The following LINGO2 variants were observed in gnomAD, a reference collection of about 807,000 sequenced individuals.
The protein encoded by LINGO2 is leucine rich repeat and Ig domain containing 2, also known as leucine-rich repeat and immunoglobulin-like domain-containing nogo receptor-interacting protein 2.
LINGO2 carries 14 observed loss-of-function variants against 30.6 expected under a neutral mutation model. The observed-to-expected ratio is 0.46, with a 90% CI of 0.30 to 0.72. The LOEUF is 0.72. Ranked by LOEUF, LINGO2 falls within the 30% of genes least tolerant of loss-of-function variation. The pLI is 0.07. For synonymous variants in LINGO2, 317 were observed against 288.5 expected (o/e 1.10, Z -1.00); for missense variants, 729 against 751.7 (o/e 0.97, Z 0.35).
chr9:28,346,730 T>C (rs1229303158), intron 3 of LINGO2, among the ~76,000 whole-genome samples: 1 of 152,136 alleles, frequency 6.6e-6, no homozygotes, highest in Non-Finnish European at 1.5e-5. Context: ...CCATTCTGAC[T>C]GGTGTGGGAT....
At chr9:28,685,581 T>C in the LINGO2 span, among the ~76,000 whole-genome samples, 1 of 152,206 alleles carries the variant, frequency 6.6e-6, no homozygotes, top group Admixed American at 6.5e-5. Context: ...TATGATGTCA[T>C]GTCTCTCTCA....
chr9:28,380,957 C>G (rs75405570), intron 2 of LINGO2, among the ~76,000 whole-genome samples: 1 of 151,994 alleles, frequency 6.6e-6, no homozygotes. Context: ...CGGGCTTGCC[C>G]TTGAGTATGT....
chr9:28,704,003 G>T, the LINGO2 span, among the ~76,000 whole-genome samples: 1 of 151,660 alleles, frequency 6.6e-6, no homozygotes, highest in Non-Finnish European at 1.5e-5. Context: ...ATTTTATTTG[G>T]CCTTCATTTG....
chr9:28,543,604 G>T (rs945181274), intron 1 of LINGO2, among the ~76,000 whole-genome samples: 1 of 151,994 alleles, frequency 6.6e-6, no homozygotes, highest in Admixed American at 6.6e-5. Flanking sequence ...ACAAAAAAAG[G>T]TATATGAATG....
At chr9:28,110,534 T>TTGCAGTTTG (rs1826744621) in intron 4 of LINGO2, among the ~76,000 whole-genome samples, 1 of 152,044 alleles carries the variant, frequency 6.6e-6, no homozygotes, top group African/African-American at 2.4e-5. Context: ...ACAAAGAACC[T>TTGCAGTTTG]AAACAAATTT....
chr9:28,427,708 CTG>C (rs1218036415), intron 2 of LINGO2, among the ~76,000 whole-genome samples: 1 of 152,116 alleles, frequency 6.6e-6, no homozygotes, highest in Non-Finnish European at 1.5e-5. Context: ...AATCAGCCCT[CTG>C]TGGCATAAGG....
intron 4 of LINGO2, among the ~76,000 whole-genome samples, chr9:28,149,589 G>A (rs118085541): frequency 0.012 from 1,799 of 148,038 alleles, 22 homozygotes; most frequent in Non-Finnish European, 0.017. Context: ...GGAGTCCGCC[G>A]CCCTGTCTGG....
intron 2 of LINGO2, among the ~76,000 whole-genome samples, chr9:28,393,106 A>G (rs1231092365): frequency 6.6e-6 from 1 of 152,198 alleles, no homozygotes; most frequent in African/African-American, 2.4e-5. Flanking sequence ...CAAATAGCTG[A>G]GCTAATATTT....
the LINGO2 span, among the ~76,000 whole-genome samples, chr9:29,074,129 T>G: frequency 6.6e-6 from 1 of 152,160 alleles, no homozygotes; most frequent in African/African-American, 2.4e-5. Flanking sequence ...ATTATCCAAG[T>G]AGCCTTATAT....
intron 5 of LINGO2, among the ~76,000 whole-genome samples, chr9:27,981,561 A>AAAAAAAAAC (rs1820871849): frequency 8.2e-6 from 1 of 121,768 alleles, no homozygotes; most frequent in African/African-American, 3.0e-5. Context: ...GAAAAAAAAG[A>AAAAAAAAAC]AAAAAAAAGA....
At chr9:28,085,319 T>C (rs1468213020) in intron 4 of LINGO2, among the ~76,000 whole-genome samples, 1 of 152,140 alleles carries the variant, frequency 6.6e-6, no homozygotes, top group Non-Finnish European at 1.5e-5. Context: ...GAGGGGCCCT[T>C]CCACCTGACC....
chr9:28,469,437 T>G (rs573782165), intron 2 of LINGO2, among the ~76,000 whole-genome samples: 11 of 152,098 alleles, frequency 7.2e-5, no homozygotes, highest in African/African-American at 2.4e-4. Context: ...TTTGCAAATT[T>G]GAGGAAATGC....
chr9:28,739,655 A>C, the LINGO2 span, among the ~76,000 whole-genome samples: 1 of 151,852 alleles, frequency 6.6e-6, no homozygotes, highest in Admixed American at 6.6e-5. Flanking sequence ...CTTTGTCAGT[A>C]TAAAATGAAT....
chr9:28,248,375 G>GT (rs113084775), intron 4 of LINGO2, among the ~76,000 whole-genome samples: 5 of 152,220 alleles, frequency 3.3e-5, no homozygotes, highest in African/African-American at 1.2e-4. Context: ...AACTATGCAT[G>GT]TTTTTACTCA....
intron 5 of LINGO2, among the ~76,000 whole-genome samples, chr9:27,980,689 T>G (rs1053267172): frequency 6.6e-6 from 1 of 151,892 alleles, no homozygotes; most frequent in African/African-American, 2.4e-5. Flanking sequence ...GGGGACTGCT[T>G]CTTGACCTTG....
intron 1 of LINGO2, among the ~76,000 whole-genome samples, chr9:28,632,134 A>C (rs1365500812): frequency 6.6e-6 from 1 of 152,110 alleles, no homozygotes; most frequent in Non-Finnish European, 1.5e-5. Flanking sequence ...GGAGTTAATC[A>C]AGTGGGGAAG....
the LINGO2 span, among the ~76,000 whole-genome samples, chr9:28,958,461 A>G: frequency 6.6e-6 from 1 of 152,280 alleles, no homozygotes; most frequent in Non-Finnish European, 1.5e-5. Flanking sequence ...GTCTAAAAAG[A>G]TTCCCTGAGG....
intron 1 of LINGO2, among the ~76,000 whole-genome samples, chr9:28,591,092 G>T (rs1313369258): frequency 1.3e-5 from 2 of 151,842 alleles, no homozygotes; most frequent in African/African-American, 2.4e-5. Flanking sequence ...CTCACTCATA[G>T]GTGGGAATTG....
the LINGO2 span, among the ~76,000 whole-genome samples, chr9:28,778,413 A>C: frequency 1.8e-4 from 27 of 152,246 alleles, no homozygotes; most frequent in African/African-American, 5.8e-4. Context: ...AGGTGTTGTA[A>C]GGTTCGTTGC....
Sources: gnomAD v4.1 joint callset for allele counts (sites outside exome capture counted in the v4.1 genomes callset) on GRCh38, gnomAD v4.1.1 for gene constraint, MANE v1.5 for transcripts, NCBI Gene and HGNC (gene_info 2026-07-23, HGNC 2026-07-21) for gene names.